NALF1: variants seen among roughly 807,000 people sequenced by gnomAD.
NALF1 encodes NALCN channel auxiliary factor 1.
NALF1 carries 3 observed loss-of-function variants against 48.4 expected under a neutral mutation model. The observed-to-expected ratio is 0.06, with a 90% CI of 0.03 to 0.16. NALF1 has a LOEUF of 0.16. Ranked by LOEUF, NALF1 falls within the 10% of genes least tolerant of loss-of-function variation. The probability of loss-of-function intolerance (pLI) is 1.00; values close to 1 mark genes in which losing one functional copy is unlikely to be tolerated. For missense variants in NALF1, 526 were observed against 571.5 expected (o/e 0.92, Z 0.81); for synonymous variants, 262 against 245.7 (o/e 1.07, Z -0.62).
chr13:107,541,156 A>G (rs1211449071), intron 1 of NALF1, among the ~76,000 whole-genome samples: 1 of 152,136 alleles, frequency 6.6e-6, no homozygotes, highest in Non-Finnish European at 1.5e-5. Flanking sequence ...GCAATTAATT[A>G]TTCAACTGTC....
At chr13:107,281,703 G>A (rs9520361) in intron 1 of NALF1, among the ~76,000 whole-genome samples, 32,804 of 152,076 alleles carry the variant, frequency 0.22, 4,284 homozygotes, top group Non-Finnish European at 0.29. Flanking sequence ...GGTAATTTAT[G>A]AAGGAAAGAG....
intron 1 of NALF1, among the ~76,000 whole-genome samples, chr13:107,801,327 G>C (rs978676371): frequency 6.6e-6 from 1 of 152,138 alleles, no homozygotes; most frequent in African/African-American, 2.4e-5. Context: ...ACATCGCCCA[G>C]ATATTTTAGG....
chr13:107,462,124 A>T (rs942667203), intron 1 of NALF1, among the ~76,000 whole-genome samples: 20 of 152,144 alleles, frequency 1.3e-4, no homozygotes, highest in Non-Finnish European at 1.2e-4. Context: ...TTACCCATAA[A>T]TGTGTGAATT....
At chr13:107,822,224 G>C (rs977112987) in intron 1 of NALF1, among the ~76,000 whole-genome samples, 2 of 152,126 alleles carry the variant, frequency 1.3e-5, no homozygotes, top group African/African-American at 4.8e-5. Flanking sequence ...AGCCCAGTTT[G>C]ACTTCCATTC....
At chr13:107,808,908 A>G (rs116504019) in intron 1 of NALF1, among the ~76,000 whole-genome samples, 2,566 of 152,188 alleles carry the variant, frequency 0.017, 79 homozygotes, top group African/African-American at 0.059. Flanking sequence ...TCACTCCTGG[A>G]AATAAGTTAC....
At chr13:107,784,208 T>C (rs1324003533) in intron 1 of NALF1, among the ~76,000 whole-genome samples, 1 of 152,232 alleles carries the variant, frequency 6.6e-6, no homozygotes, top group Non-Finnish European at 1.5e-5. Context: ...AAATAACTAC[T>C]GCCCCGCTGA....
At chr13:107,303,653 TCCCATTCCTG>T (rs1275163447) in intron 1 of NALF1, among the ~76,000 whole-genome samples, 1 of 152,150 alleles carries the variant, frequency 6.6e-6, no homozygotes, top group Non-Finnish European at 1.5e-5. Context: ...TTTCCCACAG[TCCCATTCCTG>T]TGACACAATT....
At chr13:107,703,020 T>A (rs1482983546) in intron 1 of NALF1, among the ~76,000 whole-genome samples, 1 of 152,186 alleles carries the variant, frequency 6.6e-6, no homozygotes, top group African/African-American at 2.4e-5. Context: ...TGTGCATGTA[T>A]CTTTATAATA....
chr13:107,828,600 TATCTATACACACACACACACACACAC>T (rs1879598962), intron 1 of NALF1, among the ~76,000 whole-genome samples: 34 of 103,580 alleles, frequency 3.3e-4, no homozygotes, highest in Non-Finnish European at 5.9e-4. Flanking sequence ...TCTATATCTA[TATCTATACACACACACACACACACAC>T]ACACACACAC....
At chr13:107,515,507 AC>A in intron 1 of NALF1, among the ~76,000 whole-genome samples, 1 of 152,222 alleles carries the variant, frequency 6.6e-6, no homozygotes, top group South Asian at 2.1e-4. Context: ...CTAACCAGAG[AC>A]CTGCCCCACA....
chr13:107,534,002 C>A (rs1876723569), intron 1 of NALF1, among the ~76,000 whole-genome samples: 1 of 151,912 alleles, frequency 6.6e-6, no homozygotes, highest in Non-Finnish European at 1.5e-5. Flanking sequence ...AGGAAAATTA[C>A]CTGTAAAAGG....
rs1299131034 is a variant in NALF1, at chr13:107,538,954, T to C, written c.915+326728A>G. Among the ~76,000 whole-genome samples the C allele has an allele frequency of 2.0e-5, 3 of 152,038 alleles. No homozygotes were observed. The East Asian group carries it at 5.8e-4, about 29-fold the overall frequency. The stretch of plus-strand genomic sequence containing the variant: ...TTCTTATTATAATTATGATCATCCA[T>C]CCATCCATCCATTCATTCATTTTGC... On this transcript the variant is annotated intron_variant, in intron 1 of 2. Coordinates refer to ENST00000375915, the MANE Select transcript of NALF1 (RefSeq NM_001080396.3).
intron 1 of NALF1, among the ~76,000 whole-genome samples, chr13:107,447,120 G>A (rs1271017009): frequency 6.6e-6 from 1 of 152,162 alleles, no homozygotes; most frequent in Non-Finnish European, 1.5e-5. Flanking sequence ...AGTTTGCTAA[G>A]CTGGTTAAGG....
intron 1 of NALF1, among the ~76,000 whole-genome samples, chr13:107,263,317 G>A (rs1052082558): frequency 1.3e-5 from 2 of 151,300 alleles, no homozygotes; most frequent in African/African-American, 4.9e-5. Flanking sequence ...CAGTTGATGT[G>A]TCTATGAAAT....
At chr13:107,194,403 C>T (rs774327321) in intron 2 of NALF1, among the ~76,000 whole-genome samples, 208 of 152,026 alleles carry the variant, frequency 1.4e-3, no homozygotes, top group Non-Finnish European at 2.7e-3. Context: ...GAACAGAGAA[C>T]CCAGAAATAA....
rs1479813683 is a variant in NALF1 at position 107,164,308 on chromosome 13, C to G, written c.*6189G>C. 6.6e-6 allele frequency: 1 copy of G among 152,114 alleles called. No homozygotes were observed. The highest frequency in any genetic ancestry group is 1.5e-5 in the Non-Finnish European group (1 of 68,016). The allele number at this position is 152,114 out of a possible 1,614,324, so 9.4% of individuals were successfully genotyped here. A position where few individuals can be genotyped will look rare whatever the true frequency, so the allele number is the denominator to read the frequency against. On this transcript the variant is annotated 3_prime_UTR_variant, in exon 3 of 3. Transcript: ENST00000375915. The stretch of plus-strand genomic sequence containing the variant: ...GCCCTGCTTAATCTATTTCCATATA[C>G]TTTATCAAAAACTGAACAGGTTTTC...
chr13:107,427,968 T>C (rs1373442413), intron 1 of NALF1, among the ~76,000 whole-genome samples: 4 of 152,192 alleles, frequency 2.6e-5, no homozygotes, highest in African/African-American at 7.2e-5. Context: ...ACAAAGAACC[T>C]TACTTAGGGA....
At chr13:107,192,489 G>T (rs1879304104) in intron 2 of NALF1, among the ~76,000 whole-genome samples, 1 of 152,154 alleles carries the variant, frequency 6.6e-6, no homozygotes, top group African/African-American at 2.4e-5. Context: ...TTGACATTGT[G>T]GACTTCCCGA....
At chr13:107,653,892 AT>A (rs1880509064) in intron 1 of NALF1, among the ~76,000 whole-genome samples, 1 of 152,120 alleles carries the variant, frequency 6.6e-6, no homozygotes. Context: ...GTCCTCAAAA[AT>A]ATCTTCTTTC....
Sources: allele counts gnomAD v4.1 joint callset (sites outside exome capture counted in the v4.1 genomes callset), GRCh38; gene constraint gnomAD v4.1.1; transcripts MANE v1.5; gene names NCBI Gene and HGNC (gene_info 2026-07-23, HGNC 2026-07-21).